TSPAN5: variants seen among roughly 807,000 people sequenced by gnomAD.
TSPAN5 encodes tetraspanin-5.
A neutral mutation model predicts 37.1 loss-of-function variants in TSPAN5; 10 were observed. The observed-to-expected ratio is 0.27, with a 90% CI of 0.17 to 0.46. The LOEUF (loss-of-function observed/expected upper bound fraction) is 0.46, where lower values mean the gene tolerates loss of function less well. Ranked by LOEUF, TSPAN5 falls within the 20% of genes least tolerant of loss-of-function variation. The pLI is 1.00. For missense variants in TSPAN5, 195 were observed against 326.6 expected, an observed-to-expected ratio of 0.60 and a Z score of 3.11; for synonymous variants, 110 against 118.9, an observed-to-expected ratio of 0.93 and a Z score of 0.48.
At position 98,482,182 on chromosome 4, in the gene TSPAN5, T is replaced by C. The variant is rs1415362964; in HGVS notation, c.280-7A>G. The C allele has an allele frequency of 6.2e-7, 1 of 1,613,142 alleles. No individual in the cohort carries two copies. The highest frequency in any genetic ancestry group is 1.3e-5 in the African/African-American group (1 of 74,786). On this transcript the variant is annotated splice_polypyrimidine_tract_variant and splice_region_variant and intron_variant, in intron 3 of 7. Coordinates refer to ENST00000305798, the MANE Select transcript of TSPAN5 (RefSeq NM_005723.4). ...TTCCCAGGAACACAGAAAACTAAGA[T>C]AAAAGACACATACACAGAGAACAGT...
At chr4:98,656,583 G>A (rs1757299086) in intron 1 of TSPAN5, among the ~76,000 whole-genome samples, 1 of 152,238 alleles carries the variant, frequency 6.6e-6, no homozygotes, top group Non-Finnish European at 1.5e-5. Flanking sequence ...ACTTGTAGCA[G>A]TGTTTAATTG....
At chr4:98,493,474 G>A (rs532817161) in intron 2 of TSPAN5, among the ~76,000 whole-genome samples, 5 of 152,118 alleles carry the variant, frequency 3.3e-5, no homozygotes, top group Admixed American at 1.3e-4. Flanking sequence ...ATTTCCATCC[G>A]TTTTAGTTGA....
intron 1 of TSPAN5, among the ~76,000 whole-genome samples, chr4:98,547,998 C>T (rs1419157531): frequency 3.2e-5 from 4 of 124,134 alleles, no homozygotes; most frequent in South Asian, 5.5e-4. Flanking sequence ...GGCGACAGAG[C>T]GAGACTCTGT....
chr4:98,511,327 ACAT>A (rs1335614406), intron 1 of TSPAN5, among the ~76,000 whole-genome samples: 1 of 152,206 alleles, frequency 6.6e-6, no homozygotes, highest in Non-Finnish European at 1.5e-5. Flanking sequence ...AGTCATGCAA[ACAT>A]CATAGTGTAC....
intron 1 of TSPAN5, among the ~76,000 whole-genome samples, chr4:98,565,646 G>C (rs1251295730): frequency 6.6e-6 from 1 of 152,178 alleles, no homozygotes; most frequent in African/African-American, 2.4e-5. Flanking sequence ...GCTTAAAGTA[G>C]GAGTTATATA....
intron 1 of TSPAN5, among the ~76,000 whole-genome samples, chr4:98,608,705 G>A (rs1220207106): frequency 6.6e-6 from 1 of 152,154 alleles, no homozygotes; most frequent in Non-Finnish European, 1.5e-5. Context: ...TGTTAGGGGG[G>A]AAATAGACTA....
chr4:98,538,682 T>C (rs923754581), intron 1 of TSPAN5, among the ~76,000 whole-genome samples: 4 of 152,228 alleles, frequency 2.6e-5, no homozygotes, highest in Non-Finnish European at 5.9e-5. Flanking sequence ...CCTTCAAAAT[T>C]AATATTTTAT....
At chr4:98,537,396 C>T (rs1186660938) in intron 1 of TSPAN5, among the ~76,000 whole-genome samples, 1 of 152,176 alleles carries the variant, frequency 6.6e-6, no homozygotes. Context: ...CCTTCTGAGT[C>T]GATCTCGCTG....
chr4:98,575,771 CAAAAA>C (rs35433252), intron 1 of TSPAN5, among the ~76,000 whole-genome samples: 136 of 141,914 alleles, frequency 9.6e-4, no homozygotes, highest in African/African-American at 3.1e-3. Flanking sequence ...CCCCACCCCA[CAAAAA>C]AAAAAAAAAA....
chr4:98,507,595 C>A, intron 2 of TSPAN5, 83 bp downstream of exon 2: 1 of 1,055,624 alleles, frequency 9.5e-7, no homozygotes, highest in Admixed American at 2.4e-5. Flanking sequence ...CTGTGGTTGT[C>A]AAAGAGAAAG....
At chr4:98,513,924 C>T (rs918370964) in intron 1 of TSPAN5, among the ~76,000 whole-genome samples, 23 of 151,138 alleles carry the variant, frequency 1.5e-4, no homozygotes, top group Non-Finnish European at 3.0e-4. Context: ...TATCAAGTTC[C>T]TAGACAATTC....
chr4:98,604,103 G>A (rs900164436), intron 1 of TSPAN5, among the ~76,000 whole-genome samples: 3 of 151,896 alleles, frequency 2.0e-5, no homozygotes, highest in African/African-American at 7.3e-5. Flanking sequence ...GAGAGTATCA[G>A]TCATTTCAAT....
At chr4:98,550,229 T>C (rs1754579265) in intron 1 of TSPAN5, among the ~76,000 whole-genome samples, 4 of 152,180 alleles carry the variant, frequency 2.6e-5, no homozygotes, top group Admixed American at 1.3e-4. Context: ...TCTATTCTAT[T>C]CCACTGATCT....
intron 1 of TSPAN5, among the ~76,000 whole-genome samples, chr4:98,607,102 C>T (rs1756056014): frequency 6.6e-6 from 1 of 152,178 alleles, no homozygotes; most frequent in African/African-American, 2.4e-5. Context: ...AGCAAAAAAC[C>T]ATCACTGTGC....
At chr4:98,636,518 G>A (rs1452522611) in intron 1 of TSPAN5, among the ~76,000 whole-genome samples, 1 of 152,142 alleles carries the variant, frequency 6.6e-6, no homozygotes, top group Admixed American at 6.5e-5. Flanking sequence ...AGTAGAGTGG[G>A]GAGAGTGGCG....
rs397760038 is a variant in TSPAN5, at chr4:98,513,909, G to GA, written c.82-6182_82-6181insT. On this transcript the variant is annotated intron_variant, in intron 1 of 7. Transcript: ENST00000305798. ...AGATAGATAGATAGATAGATAGATA[G>GA]TATATATCAAGTTCCTAGACAATTC... is the stretch of plus-strand genomic sequence containing the variant. 3.3e-5 allele frequency among the ~76,000 whole-genome samples: 5 copies of GA among 149,860 alleles called. No homozygotes were observed. The South Asian group carries it at 8.6e-4, about 26-fold the overall frequency.
chr4:98,529,929 T>A (rs551367261), intron 1 of TSPAN5, among the ~76,000 whole-genome samples: 1 of 151,944 alleles, frequency 6.6e-6, no homozygotes, highest in South Asian at 2.1e-4. Context: ...AGATTTTGAG[T>A]ATGTTCAAGT....
intron 2 of TSPAN5, among the ~76,000 whole-genome samples, chr4:98,489,752 TCGAGCTGGATAGAGCTATAACA>T (rs1299292729): frequency 6.6e-6 from 1 of 152,008 alleles, no homozygotes; most frequent in African/African-American, 2.4e-5. Flanking sequence ...TTCATCCTAA[TCGAGCTGGATAGAGCTATAACA>T]CTCACCGCAT....
intron 1 of TSPAN5, among the ~76,000 whole-genome samples, chr4:98,541,440 T>C (rs1320147568): frequency 9.2e-5 from 14 of 152,010 alleles, no homozygotes; most frequent in African/African-American, 2.7e-4. Flanking sequence ...TTTGGGAGGC[T>C]GAGGCAGGCA....
Sources: gnomAD v4.1 joint callset for allele counts (sites outside exome capture counted in the v4.1 genomes callset) on GRCh38, gnomAD v4.1.1 for gene constraint, MANE v1.5 for transcripts, NCBI Gene and HGNC (gene_info 2026-07-23, HGNC 2026-07-21) for gene names.